Variants in COG4 observed in about 807,000 individuals in gnomAD.
COG4 encodes the protein conserved oligomeric Golgi complex subunit 4.
COG4 carries 65 observed loss-of-function variants against 95.1 expected under a neutral mutation model. The ratio of observed to expected loss-of-function variants is 0.68; its 90% confidence interval spans 0.56 to 0.84. The LOEUF (loss-of-function observed/expected upper bound fraction) is 0.84. Among genes scored for constraint, COG4 ranks in the 40% least tolerant of loss-of-function variants. The pLI, the probability that COG4 is intolerant of heterozygous loss-of-function variation, is 0.00. For missense variants in COG4, 1,045 were observed against 989.1 expected (o/e 1.06, Z -0.76); for synonymous variants, 421 against 374.8 (o/e 1.12, Z -1.42).
rs770123090 is a variant in COG4 at position 70,482,120 on chromosome 16, T to C, written c.1976A>G (p.Asn659Ser). 7 of 1,614,032 alleles carry C rather than the reference T, an allele frequency of 4.3e-6. No homozygotes were observed. The South Asian group carries it at 7.7e-5, about 18-fold the overall frequency. Residue 659 changes from asparagine (N) to serine (S), a missense_variant, in exon 16 of 19, where the codon AAC becomes AGC. Transcript: ENST00000323786. ...GAACTCTGCCATTTGCTGCTCCAGG[T>C]TAAGGATGAACTGTTGTACCCAAGG... is the stretch of plus-strand genomic sequence containing the variant. ...NDPWVQQFIL[N>S]LEQQMAEFKA...
chr16:70,498,084 AT>A (rs745752080), intron 9 of COG4, 29 bp from the exon 10 acceptor site: 167 of 1,451,454 alleles, frequency 1.2e-4, no homozygotes, highest in Middle Eastern at 3.5e-4. Flanking sequence ...AGGAATACTC[AT>A]TTTTTTTCCC....
chr16:70,487,624 T>C (rs746441371), intron 13 of COG4, among the ~76,000 whole-genome samples: 4 of 152,098 alleles, frequency 2.6e-5, no homozygotes, highest in Non-Finnish European at 1.5e-5. Context: ...GTTGAACACA[T>C]ACGATGTGAC....
At chr16:70,487,408 C>A (rs965674339) in intron 13 of COG4, among the ~76,000 whole-genome samples, 1 of 151,888 alleles carries the variant, frequency 6.6e-6, no homozygotes, top group Non-Finnish European at 1.5e-5. Context: ...ACCAGCCTGG[C>A]CAACATGGCA....
In COG4 at chr16:70,512,432, C is replaced by G. The variant is rs1473218250; in HGVS notation, c.545G>C (p.Gly182Ala). The G allele has an allele frequency of 6.2e-7, 1 of 1,613,414 alleles. No homozygotes were observed. The highest frequency in any genetic ancestry group is 8.5e-7 in the Non-Finnish European group (1 of 1,179,616). ...TTTCAGGTTGGCATCAATCATGCTC[C>G]CTGCTCAACAGGGAGAAAATGAAAA... is the stretch of plus-strand genomic sequence containing the variant. ...VIELSRQGKE[G>A]SMIDANLKLL... Residue 182 changes from glycine (G) to alanine (A), a missense_variant and splice_region_variant, in exon 5 of 19, where the codon GGG (glycine) becomes GCG (alanine). Physicochemically the swap from Gly to Ala is moderately conservative, Grantham distance 60. Transcript: ENST00000323786.
intron 2 of COG4, among the ~76,000 whole-genome samples, chr16:70,518,023 C>T (rs562500327): frequency 2.6e-5 from 4 of 152,134 alleles, no homozygotes; most frequent in South Asian, 2.1e-4. Flanking sequence ...CTCCGCCTCC[C>T]GGGTTCAAGC....
intron 12 of COG4, among the ~76,000 whole-genome samples, chr16:70,495,228 TAA>T (rs531628464): frequency 4.4e-4 from 52 of 118,726 alleles, no homozygotes; most frequent in Admixed American, 8.7e-4. Flanking sequence ...CAGTCTTTAC[TAA>T]AAAAAAAAAA....
intron 1 of COG4, among the ~76,000 whole-genome samples, chr16:70,521,731 T>A (rs1052966008): frequency 6.8e-6 from 1 of 147,542 alleles, no homozygotes; most frequent in African/African-American, 2.5e-5. Context: ...AGACAGAGTC[T>A]CACTCTGTCG....
chr16:70,513,388 T>C (rs1216308321), intron 4 of COG4, among the ~76,000 whole-genome samples: 3 of 152,196 alleles, frequency 2.0e-5, no homozygotes, highest in Non-Finnish European at 2.9e-5. Flanking sequence ...TGGATTCAGT[T>C]TCCTTTTCCA....
At chr16:70,481,597 T>C in intron 17 of COG4, 110 bp from the exon 18 acceptor site, 1 of 1,534,972 alleles carries the variant, frequency 6.5e-7, no homozygotes, top group East Asian at 2.3e-5. Flanking sequence ...GGTGGTGCCC[T>C]GTGGTTTGTT....
chr16:70,506,620 A>AAAC, intron 8 of COG4, among the ~76,000 whole-genome samples: 1 of 129,894 alleles, frequency 7.7e-6, no homozygotes, highest in Non-Finnish European at 1.7e-5. Flanking sequence ...AAAAAAAACA[A>AAAC]AAAAAAAAAC....
At chr16:70,491,390 G>A (rs190664912) in intron 12 of COG4, among the ~76,000 whole-genome samples, 2 of 151,758 alleles carry the variant, frequency 1.3e-5, no homozygotes, top group African/African-American at 4.8e-5. Flanking sequence ...GCGTGGTGGT[G>A]CACATCTGTA....
At chr16:70,481,577 C>G in intron 17 of COG4, 90 bp from the exon 18 acceptor site, 2 of 1,584,692 alleles carry the variant, frequency 1.3e-6, no homozygotes, top group Non-Finnish European at 8.6e-7. Context: ...GCAAGGCCCG[C>G]CAGGCCTCAG....
At chr16:70,496,736 T>C (rs747789638) in intron 11 of COG4, among the ~76,000 whole-genome samples, 1 of 152,204 alleles carries the variant, frequency 6.6e-6, no homozygotes, top group Non-Finnish European at 1.5e-5. Flanking sequence ...CAGTACCATG[T>C]AGGAGTTGAG....
At chr16:70,494,615 G>A (rs1411614209) in intron 12 of COG4, among the ~76,000 whole-genome samples, 1 of 152,092 alleles carries the variant, frequency 6.6e-6, no homozygotes, top group African/African-American at 2.4e-5. Context: ...GTCAAGTGGT[G>A]GAAAACGGAA....
At chr16:70,512,570 C>T in intron 4 of COG4, 138 bp from the exon 5 acceptor site, 1 of 743,390 alleles carries the variant, frequency 1.3e-6, no homozygotes. Context: ...TAGTAATATG[C>T]ATGATTACAA....
chr16:70,498,084 A>C, intron 9 of COG4, 29 bp from the exon 10 acceptor site: 119 of 1,451,590 alleles, frequency 8.2e-5, no homozygotes, highest in Non-Finnish European at 1.1e-4. Flanking sequence ...AGGAATACTC[A>C]TTTTTTTTCC....
intron 8 of COG4, among the ~76,000 whole-genome samples, chr16:70,506,002 C>T (rs1463982367): frequency 2.0e-5 from 3 of 151,220 alleles, no homozygotes; most frequent in African/African-American, 7.3e-5. Context: ...AAAAATTGGC[C>T]GGGTATGGTG....
At chr16:70,489,201 T>C (rs2049194339) in intron 13 of COG4, among the ~76,000 whole-genome samples, 1 of 152,098 alleles carries the variant, frequency 6.6e-6, no homozygotes, top group South Asian at 2.1e-4. Flanking sequence ...GTCATTTTTA[T>C]AAGGTGCTTT....
chr16:70,496,297 T>G lies in COG4; in HGVS notation c.1616A>C (p.Glu539Ala). The G allele has an allele frequency of 6.2e-7, 1 of 1,614,192 alleles. No individual in the cohort carries two copies. The highest frequency in any genetic ancestry group is 1.3e-5 in the African/African-American group (1 of 75,048). ...GGACATCTTCGCCTCGTCAGTACTC[T>G]CGATGCCTTTTGTGTCAAATTTGCC... Reference protein sequence around the residue: ...QQGKFDTKGIESTDEAKMSFL... With the variant: ...QQGKFDTKGIASTDEAKMSFL... The change falls in exon 12 of 19, where the codon GAG becomes GCG. Residue 539 changes from glutamate to alanine, a missense_variant. Coordinates refer to ENST00000323786, the MANE Select transcript of COG4 (RefSeq NM_015386.3).
Sources: gnomAD v4.1 joint callset for allele counts (sites outside exome capture counted in the v4.1 genomes callset) on GRCh38, gnomAD v4.1.1 for gene constraint, MANE v1.5 for transcripts, NCBI Gene and HGNC (gene_info 2026-07-23, HGNC 2026-07-21) for gene names.